The following ADCY9 variants were observed in gnomAD, a reference collection of about 807,000 sequenced individuals.
ADCY9 encodes the protein adenylate cyclase type 9.
In ADCY9, 50 loss-of-function variants were observed where a neutral mutation model predicts 101.5. That is an observed-to-expected ratio of 0.49 (90% CI 0.39 to 0.62). ADCY9 has a LOEUF of 0.62. Ranked by LOEUF, ADCY9 falls within the 20% of genes least tolerant of loss-of-function variation. The pLI, the probability that ADCY9 is intolerant of heterozygous loss-of-function variation, is 0.00. For missense variants in ADCY9, 1,662 were observed against 1,800.4 expected (o/e 0.92, Z 1.39); for synonymous variants, 905 against 769.3 (o/e 1.18, Z -2.92).
At chr16:3,971,164 C>A (rs185650672) in intron 10 of ADCY9, among the ~76,000 whole-genome samples, 1 of 152,064 alleles carries the variant, frequency 6.6e-6, no homozygotes, top group African/African-American at 2.4e-5. Context: ...GCCTGGACAC[C>A]GAGACTTTAA....
At chr16:4,044,156 A>G (rs111443835) in intron 2 of ADCY9, among the ~76,000 whole-genome samples, 4,989 of 152,078 alleles carry the variant, frequency 0.033, 285 homozygotes, top group African/African-American at 0.11. Context: ...ACACCAGTCT[A>G]GCCAACATGG....
At chr16:4,058,707 G>A (rs74737847) in intron 2 of ADCY9, among the ~76,000 whole-genome samples, 4,476 of 152,194 alleles carry the variant, frequency 0.029, 209 homozygotes, top group African/African-American at 0.1. Flanking sequence ...GCAGAGAGGA[G>A]ACCCAGCAGG....
At chr16:4,064,439 T>A (rs761896183) in intron 2 of ADCY9, among the ~76,000 whole-genome samples, 25 of 152,184 alleles carry the variant, frequency 1.6e-4, no homozygotes, top group Non-Finnish European at 3.1e-4. Flanking sequence ...CTCTCTTCAC[T>A]TTTGTTTATG....
chr16:4,055,070 C>T (rs1238657663), intron 2 of ADCY9, among the ~76,000 whole-genome samples: 1 of 152,082 alleles, frequency 6.6e-6, no homozygotes, highest in African/African-American at 2.4e-5. Flanking sequence ...GAGCAGGGCC[C>T]CCGCGGAAGG....
At chr16:4,110,376 CTTTTTTTTTTTTTT>C (rs1170090126) in intron 2 of ADCY9, among the ~76,000 whole-genome samples, 1 of 110,742 alleles carries the variant, frequency 9.0e-6, no homozygotes, top group Non-Finnish European at 1.8e-5. Flanking sequence ...CTTATACCTA[CTTTTTTTTTTTTTT>C]TTTTTTTTTT....
chr16:4,103,036 A>T (rs1403220162), intron 2 of ADCY9, among the ~76,000 whole-genome samples: 1 of 152,230 alleles, frequency 6.6e-6, no homozygotes, highest in East Asian at 1.9e-4. Context: ...GATGGTCTTT[A>T]TCACACACTT....
intron 5 of ADCY9, among the ~76,000 whole-genome samples, chr16:3,954,517 G>A (rs183405955): frequency 1.2e-4 from 18 of 152,300 alleles, no homozygotes; most frequent in African/African-American, 2.6e-4. Flanking sequence ...AGGGACCTCC[G>A]GGACTTAGTG....
intron 2 of ADCY9, among the ~76,000 whole-genome samples, chr16:4,035,082 G>A (rs1330475306): frequency 3.9e-5 from 6 of 152,212 alleles, no homozygotes; most frequent in Non-Finnish European, 7.3e-5. Context: ...TGGATTAAAC[G>A]GAGATGTGAC....
intron 2 of ADCY9, among the ~76,000 whole-genome samples, chr16:4,091,893 T>C (rs2056976025): frequency 6.6e-6 from 1 of 152,206 alleles, no homozygotes; most frequent in Admixed American, 6.5e-5. Flanking sequence ...CAGGGGATGG[T>C]TGCACAACAC....
chr16:4,066,096 C>T (rs933157054), intron 2 of ADCY9, among the ~76,000 whole-genome samples: 2 of 152,206 alleles, frequency 1.3e-5, no homozygotes, highest in Admixed American at 6.5e-5. Context: ...GCAGAGGAGA[C>T]GGTTCTCCAT....
chr16:4,077,945 G>A (rs1251193071), intron 2 of ADCY9, among the ~76,000 whole-genome samples: 1 of 151,386 alleles, frequency 6.6e-6, no homozygotes, highest in East Asian at 1.9e-4. Context: ...GTGGTAGTGA[G>A]CCAAGATGGT....
chr16:3,985,578 G>T (rs1463004297), intron 6 of ADCY9, among the ~76,000 whole-genome samples: 1 of 152,168 alleles, frequency 6.6e-6, no homozygotes, highest in Admixed American at 6.5e-5. Context: ...ATGTCCCTGA[G>T]ACATCACTGC....
chr16:4,085,291 C>T (rs1016390244), intron 2 of ADCY9, among the ~76,000 whole-genome samples: 63 of 151,954 alleles, frequency 4.1e-4, no homozygotes, highest in African/African-American at 1.3e-3. Flanking sequence ...AAGCCTGGGA[C>T]GCAGAGATTG....
chr16:4,025,033 G>C (rs2056504723), intron 2 of ADCY9, among the ~76,000 whole-genome samples: 1 of 151,920 alleles, frequency 6.6e-6, no homozygotes, highest in Non-Finnish European at 1.5e-5. Flanking sequence ...AACGGCCAGG[G>C]AAGTGGGCCA....
At chr16:3,995,423 T>A (rs1242189202) in intron 3 of ADCY9, among the ~76,000 whole-genome samples, 1 of 152,040 alleles carries the variant, frequency 6.6e-6, no homozygotes, top group East Asian at 1.9e-4. Flanking sequence ...AGAAAGACCC[T>A]GTCTTAAAAA....
intron 2 of ADCY9, among the ~76,000 whole-genome samples, chr16:4,104,811 AC>A (rs1381642121): frequency 3.9e-5 from 6 of 152,210 alleles, no homozygotes; most frequent in Admixed American, 2.0e-4. Flanking sequence ...AAGTGTTTTA[AC>A]ACGGTAGATT....
intron 6 of ADCY9, among the ~76,000 whole-genome samples, chr16:3,984,479 A>T (rs2056173458): frequency 6.6e-6 from 1 of 152,128 alleles, no homozygotes; most frequent in Non-Finnish European, 1.5e-5. Flanking sequence ...GGCTCTGGGG[A>T]GGTGCGATCT....
chr16:3,985,823 C>A (rs191931660), intron 6 of ADCY9, among the ~76,000 whole-genome samples: 16 of 152,300 alleles, frequency 1.1e-4, no homozygotes, highest in Admixed American at 9.8e-4. Flanking sequence ...CCTGTCCCTG[C>A]CACAGCCTCC....
chr16:4,059,048 T>G (rs1388150225), intron 2 of ADCY9, among the ~76,000 whole-genome samples: 1 of 152,090 alleles, frequency 6.6e-6, no homozygotes, highest in East Asian at 1.9e-4. Context: ...TATACATTTC[T>G]ATATTGCCAA....
Sources: gnomAD v4.1 joint callset for allele counts (sites outside exome capture counted in the v4.1 genomes callset) on GRCh38, gnomAD v4.1.1 for gene constraint, MANE v1.5 for transcripts, NCBI Gene and HGNC (gene_info 2026-07-23, HGNC 2026-07-21) for gene names.